PPP1R1C: variants seen among roughly 807,000 people sequenced by gnomAD.
PPP1R1C encodes the protein protein phosphatase 1 regulatory inhibitor subunit 1C, also known as protein phosphatase 1 regulatory subunit 1C.
PPP1R1C carries 15 observed loss-of-function variants against 17.4 expected under a neutral mutation model. That is an observed-to-expected ratio of 0.86 (90% CI 0.58 to 1.33). The LOEUF (loss-of-function observed/expected upper bound fraction) is 1.33. Among genes scored for constraint, PPP1R1C ranks in the 40% most tolerant of loss-of-function variants. The pLI, the probability that PPP1R1C is intolerant of heterozygous loss-of-function variation, is 0.00. For missense variants in PPP1R1C, 143 were observed against 130.0 expected (o/e 1.10, Z -0.48); for synonymous variants, 35 against 43.1 (o/e 0.81, Z 0.73).
At chr2:182,013,186 C>T (rs1686144788) in intron 2 of PPP1R1C, among the ~76,000 whole-genome samples, 1 of 152,054 alleles carries the variant, frequency 6.6e-6, no homozygotes, top group Admixed American at 6.5e-5. Flanking sequence ...TGAAGAACTT[C>T]CGTTAGCATT....
At chr2:182,082,909 G>A (rs376504890) in intron 4 of PPP1R1C, among the ~76,000 whole-genome samples, 1 of 152,080 alleles carries the variant, frequency 6.6e-6, no homozygotes, top group Admixed American at 6.6e-5. Flanking sequence ...ATAATACCCA[G>A]CGGGAGACCA....
intron 4 of PPP1R1C, among the ~76,000 whole-genome samples, chr2:182,109,312 A>T (rs533009955): frequency 5.9e-5 from 9 of 152,184 alleles, no homozygotes; most frequent in African/African-American, 2.2e-4. Flanking sequence ...CATCCTTTAC[A>T]TTGTTTTTCA....
chr2:182,070,129 T>C (rs979161887), intron 4 of PPP1R1C, among the ~76,000 whole-genome samples: 3 of 152,310 alleles, frequency 2.0e-5, no homozygotes, highest in South Asian at 2.1e-4. Flanking sequence ...GCCACAGGCT[T>C]ACTGGACAGG....
chr2:182,006,309 G>C (rs1193761426), intron 2 of PPP1R1C, among the ~76,000 whole-genome samples: 1 of 152,118 alleles, frequency 6.6e-6, no homozygotes, highest in Non-Finnish European at 1.5e-5. Context: ...ATCTTCACTA[G>C]AACCTTTGAA....
intron 4 of PPP1R1C, among the ~76,000 whole-genome samples, chr2:182,081,366 A>G (rs1017134442): frequency 6.6e-6 from 1 of 152,178 alleles, no homozygotes; most frequent in Admixed American, 6.5e-5. Flanking sequence ...AATACAAATG[A>G]GTGCCTTAAC....
chr2:182,013,884 A>T (rs1461044101), intron 2 of PPP1R1C, among the ~76,000 whole-genome samples: 1 of 152,160 alleles, frequency 6.6e-6, no homozygotes, highest in Non-Finnish European at 1.5e-5. Context: ...CTTAATTTTT[A>T]AAAATTATTT....
At chr2:182,119,542 T>C (rs1236996590), downstream of PPP1R1C, among the ~76,000 whole-genome samples, 1 of 152,214 alleles carries the variant, frequency 6.6e-6, no homozygotes, top group Non-Finnish European at 1.5e-5. Flanking sequence ...AGTGTTCCTA[T>C]TTCTCCACAT....
chr2:182,062,564 A>G (rs1344473071), intron 3 of PPP1R1C, among the ~76,000 whole-genome samples: 1 of 152,110 alleles, frequency 6.6e-6, no homozygotes, highest in African/African-American at 2.4e-5. Context: ...TAGGTATCAC[A>G]AAACTCTATT....
intron 2 of PPP1R1C, among the ~76,000 whole-genome samples, chr2:182,012,591 T>C (rs1389810450): frequency 6.6e-6 from 1 of 152,116 alleles, no homozygotes; most frequent in Non-Finnish European, 1.5e-5. Flanking sequence ...CTGGAGAGTT[T>C]AGTCCATTTA....
intron 5 of PPP1R1C, chr2:182,128,917 T>G (rs1689940447): frequency 6.6e-6 from 1 of 152,162 alleles, no homozygotes; most frequent in Admixed American, 6.6e-5. Context: ...TGACATGGTA[T>G]TAAATCCTCT....
chr2:182,072,594 G>T lies in PPP1R1C; in HGVS notation c.241+8803G>T, dbSNP rs1261149019. Among the ~76,000 whole-genome samples the T allele has an allele frequency of 5.9e-5, 9 of 152,060 alleles. No individual in the cohort carries two copies. The East Asian group carries it at 1.7e-3, about 29-fold the overall frequency. On this transcript the variant is annotated intron_variant, in intron 4 of 4. Coordinates refer to ENST00000682840, the MANE Select transcript of PPP1R1C (RefSeq NM_001080545.3). ...GTCATGACCTGAGCCTTTTTTTAGG[G>T]TGTCCTATGAAGTTTTGTTAGAATA... is the stretch of plus-strand genomic sequence containing the variant.
At chr2:182,083,966 G>A (rs1688554159) in intron 4 of PPP1R1C, among the ~76,000 whole-genome samples, 1 of 152,132 alleles carries the variant, frequency 6.6e-6, no homozygotes, top group Non-Finnish European at 1.5e-5. Flanking sequence ...TCTGGCTGGG[G>A]TGAGGTCGTA....
chr2:182,079,450 T>C (rs940580667), intron 4 of PPP1R1C, among the ~76,000 whole-genome samples: 2 of 152,132 alleles, frequency 1.3e-5, no homozygotes, highest in Non-Finnish European at 2.9e-5. Context: ...TAATAAAAAA[T>C]AATAGAGGAA....
At chr2:182,129,585 G>A (rs1689956351) in exon 6 of PPP1R1C, 1 of 152,008 alleles carries the variant, frequency 6.6e-6, no homozygotes, top group Non-Finnish European at 1.5e-5. Context: ...TAATTAAGTG[G>A]CTTCACCTAT....
chr2:182,123,925 G>A (rs936396589), intron 5 of PPP1R1C, among the ~76,000 whole-genome samples: 1 of 152,112 alleles, frequency 6.6e-6, no homozygotes, highest in African/African-American at 2.4e-5. Context: ...TGAAAACTTT[G>A]CCCATCCCTA....
At chr2:181,971,419 G>A (rs1685004860) in intron 1 of PPP1R1C, among the ~76,000 whole-genome samples, 1 of 152,140 alleles carries the variant, frequency 6.6e-6, no homozygotes, top group Admixed American at 6.5e-5. Flanking sequence ...CTATTCTACT[G>A]TGGCTGAGCT....
At chr2:182,068,682 G>A (rs540431118) in intron 4 of PPP1R1C, among the ~76,000 whole-genome samples, 1 of 152,102 alleles carries the variant, frequency 6.6e-6, no homozygotes, top group Non-Finnish European at 1.5e-5. Flanking sequence ...TAACATTCCT[G>A]TAAGAGATAC....
At chr2:182,072,846 C>T (rs761873923) in intron 4 of PPP1R1C, among the ~76,000 whole-genome samples, 4 of 152,176 alleles carry the variant, frequency 2.6e-5, no homozygotes, top group Non-Finnish European at 5.9e-5. Context: ...TTAATCTTGT[C>T]TGTCTCCAGC....
At position 181,986,008 on chromosome 2, in the gene PPP1R1C, C is replaced by A; in HGVS notation, c.-103C>A. The A allele has an allele frequency of 1.1e-6, 1 of 873,634 alleles. No individual in the cohort carries two copies. The highest frequency in any genetic ancestry group is 1.9e-6 in the Non-Finnish European group (1 of 519,512). 54.1% of individuals were successfully genotyped at this position (873,634 alleles called of 1,614,324 possible). A position where few individuals can be genotyped will look rare whatever the true frequency, so the allele number is the denominator to read the frequency against. ...TTACAGCTATTTATTACGAAGCACT[C>A]TGTGTGGCTTAGTGGAGTGTGTCTG... On this transcript the variant is annotated 5_prime_UTR_variant, in exon 1 of 5. It adds an upstream start codon to the 5' untranslated region. Coordinates refer to ENST00000682840, the MANE Select transcript of PPP1R1C (RefSeq NM_001080545.3).
Sources: gnomAD v4.1 joint callset for allele counts (sites outside exome capture counted in the v4.1 genomes callset) on GRCh38, gnomAD v4.1.1 for gene constraint, MANE v1.5 for transcripts, NCBI Gene and HGNC (gene_info 2026-07-23, HGNC 2026-07-21) for gene names.